MAPT: variants seen among roughly 807,000 people sequenced by gnomAD.
MAPT encodes the protein microtubule-associated protein tau.
In MAPT, 34 loss-of-function variants were observed where a neutral mutation model predicts 67.9. The observed-to-expected ratio is 0.50, with a 90% CI of 0.38 to 0.67. The LOEUF (loss-of-function observed/expected upper bound fraction) is 0.67, where lower values mean the gene tolerates loss of function less well. Among genes scored for constraint, MAPT ranks in the 30% least tolerant of loss-of-function variants. MAPT has a pLI of 0.00. For synonymous variants in MAPT, 456 were observed against 464.5 expected, an observed-to-expected ratio of 0.98 and a Z score of 0.23; for missense variants, 881 against 1,115.2, an observed-to-expected ratio of 0.79 and a Z score of 2.99.
intron 9 of MAPT, among the ~76,000 whole-genome samples, chr17:46,004,815 A>G (rs111324579): frequency 0.14 from 21,784 of 151,886 alleles, 2,134 homozygotes; most frequent in Non-Finnish European, 0.22. Context: ...ACAGAGTTTC[A>G]CTCTGTCGCC....
chr17:45,981,503 C>A (rs1050955320), intron 4 of MAPT, among the ~76,000 whole-genome samples: 1 of 152,162 alleles, frequency 6.6e-6, no homozygotes, highest in Non-Finnish European at 1.5e-5. Flanking sequence ...CACTGTCTGC[C>A]GTGCAGAGCC....
At chr17:45,933,127 T>A (rs1196398065) in intron 1 of MAPT, among the ~76,000 whole-genome samples, 2 of 152,108 alleles carry the variant, frequency 1.3e-5, no homozygotes, top group Non-Finnish European at 2.9e-5. Flanking sequence ...AGGAAAATAT[T>A]TTTTAAGGGA....
intron 1 of MAPT, among the ~76,000 whole-genome samples, chr17:45,922,103 C>A (rs1291868178): frequency 1.3e-5 from 2 of 151,968 alleles, no homozygotes; most frequent in Non-Finnish European, 2.9e-5. Context: ...ACCTCTGTCT[C>A]CCAGGTTCAA....
At chr17:45,953,094 A>G (rs1460163889) in intron 1 of MAPT, among the ~76,000 whole-genome samples, 1 of 152,110 alleles carries the variant, frequency 6.6e-6, no homozygotes, top group African/African-American at 2.4e-5. Context: ...ACCTGCATGG[A>G]GCAAGCGCCC....
chr17:45,944,997 C>T (rs547069469), intron 1 of MAPT, among the ~76,000 whole-genome samples: 3 of 152,336 alleles, frequency 2.0e-5, no homozygotes, highest in East Asian at 1.9e-4. Context: ...AGAGGTTCCT[C>T]AGCCTCTCTT....
chr17:45,922,201 C>T (rs539662575), intron 1 of MAPT, among the ~76,000 whole-genome samples: 6 of 152,048 alleles, frequency 3.9e-5, no homozygotes, highest in South Asian at 2.1e-4. Context: ...TTAATAGAGA[C>T]GGCCCGAAGT....
intron 1 of MAPT, among the ~76,000 whole-genome samples, chr17:45,913,438 A>C (rs574963874): frequency 2.0e-5 from 3 of 152,326 alleles, no homozygotes; most frequent in African/African-American, 7.2e-5. Context: ...CTTCCAGATA[A>C]ATCACGTGAA....
Position 45,996,683 on chromosome 17 carries a change from G to A in MAPT, c.1998+19G>A, listed in dbSNP as rs548267703. On this transcript the variant is annotated intron_variant, in intron 9 of 12. Coordinates refer to ENST00000262410, the MANE Select transcript of MAPT (RefSeq NM_001377265.1). The surrounding 1 kb of genome is among the most constrained non-coding windows in gnomAD (Gnocchi z 4.5). ...CGGGAAGGTGAGAGTGGCTGGCTGC[G>A]CGTGGAGGTGTGGGGGGCTGCGCCT... The A allele has an allele frequency of 3.4e-5, 55 of 1,612,186 alleles. 1 individual carries two copies. Among genetic ancestry groups the A allele is most frequent in the Middle Eastern group, 1.7e-4 (1 of 6,058 alleles).
At chr17:45,954,456 T>C (rs1291308863) in intron 1 of MAPT, among the ~76,000 whole-genome samples, 1 of 151,920 alleles carries the variant, frequency 6.6e-6, no homozygotes, top group African/African-American at 2.4e-5. Flanking sequence ...ACTCCATCTC[T>C]ACAAAAAATA....
intron 1 of MAPT, among the ~76,000 whole-genome samples, chr17:45,899,154 A>G (rs1419012691): frequency 1.3e-5 from 2 of 152,030 alleles, no homozygotes; most frequent in African/African-American, 4.8e-5. Context: ...TTCCTGTAAA[A>G]CCATGGTTCT....
intron 12 of MAPT, 76 bp downstream of exon 12, chr17:46,018,806 T>G: frequency 1.8e-6 from 2 of 1,089,866 alleles, no homozygotes; most frequent in East Asian, 2.4e-5. Context: ...CAAAGGCTGG[T>G]CCAGTTCCCA....
intron 1 of MAPT, among the ~76,000 whole-genome samples, chr17:45,924,867 A>C (rs1412478769): frequency 1.3e-5 from 2 of 151,620 alleles, no homozygotes; most frequent in African/African-American, 4.8e-5. Flanking sequence ...GGGGGGTGGC[A>C]CTTAATCTAC....
chr17:45,956,157 G>T (rs1368219773), intron 1 of MAPT, among the ~76,000 whole-genome samples: 1 of 152,240 alleles, frequency 6.6e-6, no homozygotes, highest in African/African-American at 2.4e-5. Context: ...TGGCTGGCCA[G>T]ATGGTGCCTT....
In MAPT at chr17:45,943,015, G is replaced by A. The variant is rs1361322410; in HGVS notation, c.-17-19306G>A. 2.0e-5 allele frequency among the ~76,000 whole-genome samples: 3 copies of A among 152,324 alleles called. No homozygotes were observed. In the South Asian group the frequency reaches 6.2e-4, roughly 32 times the overall value. On this transcript the variant is annotated intron_variant, in intron 1 of 12. Coordinates refer to ENST00000262410, the MANE Select transcript of MAPT (RefSeq NM_001377265.1). ...AAGTGTCTGGGGGCACTTTGTCTCTGTCAGACAGAATTCGGAGATGTGTAT... is the reference window on the plus strand; with the variant it reads ...AAGTGTCTGGGGGCACTTTGTCTCTATCAGACAGAATTCGGAGATGTGTAT...
chr17:46,010,593 C>G lies in MAPT; in HGVS notation c.2091+191C>G, dbSNP rs2075758799. Among the ~76,000 whole-genome samples the G allele has an allele frequency of 6.6e-6, 1 of 152,186 alleles. No homozygotes were observed. Among genetic ancestry groups the G allele is most frequent in the African/African-American group, 2.4e-5 (1 of 41,452 alleles). On this transcript the variant is annotated intron_variant, in intron 10 of 12. Coordinates refer to ENST00000262410, the MANE Select transcript of MAPT (RefSeq NM_001377265.1). The surrounding 1 kb of genome is among the most constrained non-coding windows in gnomAD (Gnocchi z 4.7). ...ACACGGTCCACTGTTCCCAGAAGCC[C>G]CTTCCTCATATTCTAGGAGGGGGTG...
At position 45,983,577 on chromosome 17, in the gene MAPT, G is replaced by C. The variant is rs376750246; in HGVS notation, c.998G>C (p.Gly333Ala). ...TAAREATSIP[G>A]FPAEGAIPLP... The stretch of plus-strand genomic sequence containing the variant: ...GCCAGAGAAGCCACCAGCATCCCAG[G>C]CTTCCCAGCGGAGGGTGCCATCCCC... Residue 333 changes from glycine (G) to alanine (A), a missense_variant, in exon 5 of 13, where the codon GGC (glycine) becomes GCC (alanine). Gly to Ala is a moderately conservative substitution (Grantham distance 60). Transcript: ENST00000262410. The C allele has an allele frequency of 2.2e-5, 36 of 1,613,104 alleles. No homozygotes were observed. The African/African-American group carries it at 4.3e-4, about 19-fold the overall frequency.
rs777901613 is a variant in MAPT at position 45,896,593 on chromosome 17, G to A, written c.-18+1907G>A. 6.6e-6 allele frequency: 1 copy of A among 152,254 alleles called. No individual in the cohort carries two copies. The highest frequency in any genetic ancestry group is 6.5e-5 in the Admixed American group (1 of 15,280). The allele number at this position is 152,254 out of a possible 1,614,324, so 9.4% of individuals were successfully genotyped here. On this transcript the variant is annotated intron_variant, in intron 1 of 12. Coordinates refer to ENST00000262410, the MANE Select transcript of MAPT (RefSeq NM_001377265.1). The surrounding 1 kb of genome is among the most constrained non-coding windows in gnomAD (Gnocchi z 5.6). The stretch of plus-strand genomic sequence containing the variant: ...CTTCCCTGCGGAGATTGGGGACCCT[G>A]GGGTAGGGGGAGCCGCGCCCAGTCG...
chr17:45,898,200 T>G (rs2063391415), intron 1 of MAPT: 1 of 152,282 alleles, frequency 6.6e-6, no homozygotes, highest in Admixed American at 6.5e-5. Flanking sequence ...GCTTGGCTCT[T>G]GGGTTCACCT....
At chr17:45,950,393 T>C (rs2145104147) in intron 1 of MAPT, among the ~76,000 whole-genome samples, 1 of 152,158 alleles carries the variant, frequency 6.6e-6, no homozygotes, top group South Asian at 2.1e-4. Flanking sequence ...CTGCAAAGAC[T>C]CTATTCTTTG....
Sources: allele counts gnomAD v4.1 joint callset (sites outside exome capture counted in the v4.1 genomes callset), GRCh38; gene constraint gnomAD v4.1.1; non-coding constraint Gnocchi (gnomAD v3.1); transcripts MANE v1.5; gene names NCBI Gene and HGNC (gene_info 2026-07-23, HGNC 2026-07-21).